EDIL3: variants seen among roughly 807,000 people sequenced by gnomAD.
The protein encoded by EDIL3 is EGF-like repeat and discoidin I-like domain-containing protein 3.
EDIL3 carries 37 observed loss-of-function variants against 67.4 expected under a neutral mutation model. The ratio of observed to expected loss-of-function variants is 0.55; its 90% CI spans 0.42 to 0.72. The LOEUF (loss-of-function observed/expected upper bound fraction) is 0.72, where lower values mean the gene tolerates loss of function less well. EDIL3 is among the 30% of genes least tolerant of loss of function. The pLI is 0.00. For missense variants in EDIL3, 527 were observed against 586.3 expected (o/e 0.90, Z 1.04); for synonymous variants, 195 against 196.3 (o/e 0.99, Z 0.05).
Position 83,979,295 on chromosome 5 carries a change from C to G in EDIL3, c.1138-15935G>C, listed in dbSNP as rs558441093. 2.2e-4 allele frequency among the ~76,000 whole-genome samples: 33 copies of G among 152,216 alleles called. No individual in the cohort carries two copies. In the South Asian group the frequency reaches 6.0e-3, roughly 28 times the overall value. ...TGGCGAGTAGATAGAGCAAGAATAACTCCCAGGCACTGCTGATGAAAATCC... is the reference window on the plus strand; with the variant it reads ...TGGCGAGTAGATAGAGCAAGAATAAGTCCCAGGCACTGCTGATGAAAATCC... On this transcript the variant is annotated intron_variant, in intron 9 of 10. Coordinates refer to ENST00000296591, the MANE Select transcript of EDIL3 (RefSeq NM_005711.5).
intron 9 of EDIL3, chr5:84,047,863 C>T (rs1746250892): frequency 1.3e-5 from 2 of 152,530 alleles, no homozygotes; most frequent in Admixed American, 1.3e-4. Context: ...GTACAAATGT[C>T]CTTTCAATTT....
intron 9 of EDIL3, among the ~76,000 whole-genome samples, chr5:83,979,257 A>AAT (rs1415401933): frequency 6.6e-6 from 1 of 152,126 alleles, no homozygotes; most frequent in Non-Finnish European, 1.5e-5. Flanking sequence ...CAACAATACT[A>AAT]AGTGTTAGGT....
chr5:84,279,151 C>T lies in EDIL3; in HGVS notation c.68-24939G>A, dbSNP rs138126345. ...ATTTCCTACCTCCCTTATCCTTTTT[C>T]ATGAAAGAAAATTTATTCGAAGGCT... On this transcript the variant is annotated intron_variant, in intron 1 of 10. Transcript: ENST00000296591. 3.2e-3 allele frequency among the ~76,000 whole-genome samples: 493 copies of T among 152,170 alleles called. 3 individuals are homozygous for T. The highest frequency in any genetic ancestry group is 0.011 in the African/African-American group (463 of 41,522).
At chr5:84,125,134 G>A (rs191341793) in intron 5 of EDIL3, among the ~76,000 whole-genome samples, 469 of 152,052 alleles carry the variant, frequency 3.1e-3, no homozygotes, top group Non-Finnish European at 5.4e-3. Context: ...CCAGAAACCC[G>A]AGTAGTATGT....
chr5:84,122,648 C>G (rs1028270623), intron 5 of EDIL3, among the ~76,000 whole-genome samples: 1 of 151,652 alleles, frequency 6.6e-6, no homozygotes, highest in Non-Finnish European at 1.5e-5. Context: ...TGTAATGACA[C>G]GCTGGGGGTG....
chr5:84,210,666 A>T (rs1355542693), intron 3 of EDIL3, among the ~76,000 whole-genome samples: 1 of 152,202 alleles, frequency 6.6e-6, no homozygotes, highest in Admixed American at 6.5e-5. Flanking sequence ...CTTAGAACAC[A>T]CAGAGTTACC....
chr5:83,942,479 C>A lies in EDIL3; in HGVS notation c.*940G>T, dbSNP rs1007582233. 1 of 151,266 alleles carries A rather than the reference C, an allele frequency of 6.6e-6. No individual in the cohort carries two copies. Among genetic ancestry groups the A allele is most frequent in the Admixed American group, 6.6e-5 (1 of 15,160 alleles). 9.4% of individuals were successfully genotyped at this position (151,266 alleles called of 1,614,324 possible). On this transcript the variant is annotated 3_prime_UTR_variant, in exon 11 of 11. Transcript: ENST00000296591. ...TTTTTTATAAAATAAACAAATAAGCCGATTTTTTAAAGTAAATATAAGGAT... is the reference window on the plus strand; with the variant it reads ...TTTTTTATAAAATAAACAAATAAGCAGATTTTTTAAAGTAAATATAAGGAT...
rs139333665 is a variant in EDIL3 at position 84,102,635 on chromosome 5, A to C, written c.651+4014T>G. On this transcript the variant is annotated intron_variant, in intron 6 of 10. Transcript: ENST00000296591. ...CAAAACAAAACAAAACAAAAAAAAAACGAAAAAACCCTCCTAGGAATACAG... is the reference window on the plus strand; with the variant it reads ...CAAAACAAAACAAAACAAAAAAAAACCGAAAAAACCCTCCTAGGAATACAG... Among the ~76,000 whole-genome samples, 1,031 of 151,952 alleles carry C rather than the reference A, an allele frequency of 6.8e-3. 12 individuals carry two copies. Among genetic ancestry groups the C allele is most frequent in the African/African-American group, 0.023 (950 of 41,484 alleles).
chr5:84,290,685 T>C (rs1457251269), intron 1 of EDIL3, among the ~76,000 whole-genome samples: 7 of 152,218 alleles, frequency 4.6e-5, no homozygotes, highest in Admixed American at 3.9e-4. Context: ...TACATATTAG[T>C]TACTTATCCA....
chr5:84,279,097 T>C (rs1209775516), intron 1 of EDIL3, among the ~76,000 whole-genome samples: 2 of 152,198 alleles, frequency 1.3e-5, no homozygotes, highest in African/African-American at 4.8e-5. Flanking sequence ...GTACAATTCC[T>C]AGTGTACAAT....
intron 3 of EDIL3, among the ~76,000 whole-genome samples, chr5:84,197,756 G>A (rs950417228): frequency 3.9e-5 from 6 of 152,010 alleles, no homozygotes; most frequent in African/African-American, 9.7e-5. Context: ...GTGCAAGAGG[G>A]GAAGTGGCAG....
chr5:84,140,239 T>C (rs1748166406), intron 4 of EDIL3, among the ~76,000 whole-genome samples: 1 of 152,210 alleles, frequency 6.6e-6, no homozygotes. Context: ...AGAGGCTCTA[T>C]ATATTTTCTC....
At chr5:84,260,023 G>A (rs776035564) in intron 1 of EDIL3, among the ~76,000 whole-genome samples, 1 of 152,080 alleles carries the variant, frequency 6.6e-6, no homozygotes, top group Admixed American at 6.5e-5. Context: ...AGCTGATTTT[G>A]TTCACTGATA....
intron 3 of EDIL3, among the ~76,000 whole-genome samples, chr5:84,220,711 G>A (rs1291847908): frequency 6.6e-6 from 1 of 152,088 alleles, no homozygotes; most frequent in Admixed American, 6.6e-5. Flanking sequence ...TTCAAAGAAA[G>A]CTAAAATAAA....
chr5:83,955,067 C>T (rs1282155499), intron 10 of EDIL3, among the ~76,000 whole-genome samples: 1 of 151,598 alleles, frequency 6.6e-6, no homozygotes, highest in African/African-American at 2.4e-5. Flanking sequence ...GATGATTTTT[C>T]TTAGTAGTTG....
At position 84,021,428 on chromosome 5, in the gene EDIL3, G is replaced by A. The variant is rs367736683; in HGVS notation, c.1137+38872C>T. ...TTCCATTTTCACTATTTCAAGAAAT[G>A]TTTTGATTTCCATCTTAATTTCTTC... On this transcript the variant is annotated intron_variant, in intron 9 of 10. Coordinates refer to ENST00000296591, the MANE Select transcript of EDIL3 (RefSeq NM_005711.5). Among the ~76,000 whole-genome samples, 274 of 151,972 alleles carry A rather than the reference G, an allele frequency of 1.8e-3. 13 individuals carry two copies. In the South Asian group the frequency reaches 0.055, roughly 31 times the overall value.
intron 9 of EDIL3, among the ~76,000 whole-genome samples, chr5:84,049,218 G>C (rs1395370672): frequency 6.6e-6 from 1 of 152,080 alleles, no homozygotes; most frequent in Non-Finnish European, 1.5e-5. Flanking sequence ...ACAACCTACA[G>C]TTTGCAATGA....
At chr5:84,030,079 C>T (rs545527557) in intron 9 of EDIL3, among the ~76,000 whole-genome samples, 1 of 108,856 alleles carries the variant, frequency 9.2e-6, no homozygotes, top group South Asian at 2.6e-4. Context: ...CTCCAAACAT[C>T]AGGACTTACT....
At chr5:84,307,410 C>T (rs1746294298) in intron 1 of EDIL3, among the ~76,000 whole-genome samples, 1 of 151,790 alleles carries the variant, frequency 6.6e-6, no homozygotes, top group Non-Finnish European at 1.5e-5. Flanking sequence ...ATAAAGAGGC[C>T]CAACAGAAAC....
Sources: gnomAD v4.1 joint callset for allele counts (sites outside exome capture counted in the v4.1 genomes callset) on GRCh38, gnomAD v4.1.1 for gene constraint, MANE v1.5 for transcripts, NCBI Gene and HGNC (gene_info 2026-07-23, HGNC 2026-07-21) for gene names.